SGCD: variants seen among roughly 807,000 people sequenced by gnomAD.
SGCD encodes delta-sarcoglycan.
Under a neutral mutation model 36.6 loss-of-function variants are expected in SGCD, and 18 were observed. That is an observed-to-expected ratio of 0.49 (90% CI 0.34 to 0.73). The LOEUF is 0.73. Ranked by LOEUF, SGCD falls within the 30% of genes least tolerant of loss-of-function variation. The pLI, the probability that SGCD is intolerant of heterozygous loss-of-function variation, is 0.01. For missense variants in SGCD, 387 were observed against 346.7 expected (o/e 1.12, Z -0.92); for synonymous variants, 133 against 130.6 (o/e 1.02, Z -0.12).
At chr5:156,241,794 C>T (rs923104659) in intron 3 of SGCD, among the ~76,000 whole-genome samples, 1 of 152,178 alleles carries the variant, frequency 6.6e-6, no homozygotes, top group South Asian at 2.1e-4. Context: ...GAAATACACT[C>T]ACCAAGCAGC....
At chr5:156,370,416 A>G (rs905833972) in intron 3 of SGCD, among the ~76,000 whole-genome samples, 3 of 152,174 alleles carry the variant, frequency 2.0e-5, no homozygotes, top group Non-Finnish European at 4.4e-5. Context: ...CAGGAAGTAA[A>G]CACTATCATC....
chr5:156,302,855 T>G (rs1005560604), intron 3 of SGCD, among the ~76,000 whole-genome samples: 1 of 152,144 alleles, frequency 6.6e-6, no homozygotes, highest in Non-Finnish European at 1.5e-5. Context: ...TTCCTGGAGC[T>G]GGGGGTGAGG....
intron 4 of SGCD, among the ~76,000 whole-genome samples, chr5:156,564,627 C>A (rs190098077): frequency 1.3e-5 from 2 of 152,040 alleles, no homozygotes; most frequent in African/African-American, 2.4e-5. Flanking sequence ...AACTCTGTGC[C>A]CATTAAAAAA....
chr5:156,539,867 C>A (rs527871784), intron 4 of SGCD, among the ~76,000 whole-genome samples: 2 of 151,576 alleles, frequency 1.3e-5, no homozygotes, highest in Non-Finnish European at 3.0e-5. Flanking sequence ...GTTGGAAAAA[C>A]CATGGTCTTT....
chr5:156,370,080 C>G (rs1269167499), intron 3 of SGCD, among the ~76,000 whole-genome samples: 1 of 152,152 alleles, frequency 6.6e-6, no homozygotes, highest in Non-Finnish European at 1.5e-5. Context: ...AGTGGGCACC[C>G]TCCATAAAGG....
intron 3 of SGCD, among the ~76,000 whole-genome samples, chr5:156,425,166 C>T (rs1275240184): frequency 6.6e-6 from 1 of 151,990 alleles, no homozygotes; most frequent in Non-Finnish European, 1.5e-5. Flanking sequence ...TTTTCTTGCC[C>T]ATTTTGTTTT....
intron 1 of SGCD, among the ~76,000 whole-genome samples, chr5:155,876,900 A>G (rs1379780189): frequency 6.6e-6 from 1 of 152,150 alleles, no homozygotes; most frequent in African/African-American, 2.4e-5. Flanking sequence ...TTTAAAATAT[A>G]CTAATTAGAA....
chr5:156,551,785 A>G (rs1023704683), intron 4 of SGCD, among the ~76,000 whole-genome samples: 3 of 152,232 alleles, frequency 2.0e-5, no homozygotes, highest in Middle Eastern at 3.4e-3. Flanking sequence ...GATATATTCC[A>G]TGCCATCCCT....
intron 3 of SGCD, among the ~76,000 whole-genome samples, chr5:156,442,387 AC>A (rs1442796714): frequency 1.3e-5 from 2 of 152,186 alleles, no homozygotes; most frequent in Non-Finnish European, 2.9e-5. Context: ...CCATCTCTGG[AC>A]CTTTTGTAAG....
intron 7 of SGCD, among the ~76,000 whole-genome samples, chr5:156,647,880 AG>A (rs986775807): frequency 1.3e-5 from 2 of 152,214 alleles, no homozygotes; most frequent in African/African-American, 4.8e-5. Flanking sequence ...GATATCTAAA[AG>A]AAGATGAAGT....
chr5:155,781,465 C>CA, the SGCD span, among the ~76,000 whole-genome samples: 5 of 152,154 alleles, frequency 3.3e-5, no homozygotes, highest in African/African-American at 1.2e-4. Context: ...TAGGTATTTT[C>CA]AATTACTCTT....
chr5:155,942,946 C>G (rs1029142389), intron 1 of SGCD, among the ~76,000 whole-genome samples: 4 of 152,164 alleles, frequency 2.6e-5, no homozygotes, highest in African/African-American at 9.7e-5. Flanking sequence ...TCTTCATGAA[C>G]ATTCCATAAT....
At chr5:155,741,694 T>C in the SGCD span, among the ~76,000 whole-genome samples, 28 of 150,748 alleles carry the variant, frequency 1.9e-4, no homozygotes, top group Non-Finnish European at 3.0e-4. Context: ...TTTCTTTTTT[T>C]TTTTTTTTTT....
intron 3 of SGCD, among the ~76,000 whole-genome samples, chr5:156,421,243 G>A (rs900053131): frequency 2.6e-5 from 4 of 151,978 alleles, no homozygotes; most frequent in South Asian, 4.2e-4. Context: ...TAATAAAGAG[G>A]GTAATAACCC....
At chr5:155,964,154 A>G (rs1314807198) in intron 1 of SGCD, among the ~76,000 whole-genome samples, 1 of 152,058 alleles carries the variant, frequency 6.6e-6, no homozygotes, top group Non-Finnish European at 1.5e-5. Flanking sequence ...TTTTTCTTTG[A>G]CTTAAATATG....
At chr5:156,610,164 C>T (rs553169916) in intron 6 of SGCD, among the ~76,000 whole-genome samples, 1 of 152,252 alleles carries the variant, frequency 6.6e-6, no homozygotes, top group South Asian at 2.1e-4. Flanking sequence ...TTTTCCCCAT[C>T]TTTGTAGTTT....
At chr5:156,186,146 T>C (rs1049180228) in intron 3 of SGCD, among the ~76,000 whole-genome samples, 1 of 151,694 alleles carries the variant, frequency 6.6e-6, no homozygotes, top group African/African-American at 2.4e-5. Context: ...TACAAAAACC[T>C]GTTGAACCCC....
chr5:156,406,330 T>A (rs1772405834), intron 3 of SGCD, among the ~76,000 whole-genome samples: 1 of 152,158 alleles, frequency 6.6e-6, no homozygotes. Flanking sequence ...TGTGTGTCAC[T>A]GCCAGCTTCT....
chr5:156,424,899 G>A (rs943662553), intron 3 of SGCD, among the ~76,000 whole-genome samples: 2 of 152,096 alleles, frequency 1.3e-5, no homozygotes, highest in South Asian at 2.1e-4. Flanking sequence ...TGTGTGAAAT[G>A]TTGCCAACCA....
Sources: allele counts gnomAD v4.1 joint callset (sites outside exome capture counted in the v4.1 genomes callset), GRCh38; gene constraint gnomAD v4.1.1; transcripts MANE v1.5; gene names NCBI Gene and HGNC (gene_info 2026-07-23, HGNC 2026-07-21).